CDH13: variants seen among roughly 807,000 people sequenced by gnomAD.
CDH13 encodes cadherin-13.
A neutral mutation model predicts 63.8 loss-of-function variants in CDH13; 24 were observed. The ratio of observed to expected loss-of-function variants is 0.38; its 90% CI spans 0.27 to 0.53. CDH13 has a LOEUF of 0.53. CDH13 is among the 20% of genes least tolerant of loss of function. The pLI is 0.85. For missense variants in CDH13, 1,049 were observed against 903.1 expected, an observed-to-expected ratio of 1.16 and a Z score of -2.07; for synonymous variants, 503 against 355.3, an observed-to-expected ratio of 1.42 and a Z score of -4.67.
chr16:83,080,871 G>GTTTTTTTTTTTGTTT (rs2033185148), intron 3 of CDH13, among the ~76,000 whole-genome samples: 48 of 46,956 alleles, frequency 1.0e-3, no homozygotes, highest in Non-Finnish European at 1.6e-3. Flanking sequence ...TTGTTTTTGT[G>GTTTTTTTTTTTGTTT]TTTTTTTTTT....
Position 82,959,731 on chromosome 16 carries a change from A to C in CDH13, c.158-72279A>C, listed in dbSNP as rs181382995. 2.0e-4 allele frequency among the ~76,000 whole-genome samples: 31 copies of C among 152,330 alleles called. No individual in the cohort carries two copies. The East Asian group carries it at 5.6e-3, about 27-fold the overall frequency. ...GTTCTGTTTGCCATATAAGTTTATA[A>C]GTTCCTTTATATCTCCGAGTAGTAC... On this transcript the variant is annotated intron_variant, in intron 2 of 13. Transcript: ENST00000567109.
At chr16:83,240,341 A>G (rs1904317082) in intron 5 of CDH13, among the ~76,000 whole-genome samples, 1 of 152,068 alleles carries the variant, frequency 6.6e-6, no homozygotes, top group African/African-American at 2.4e-5. Flanking sequence ...GTGAAATGGG[A>G]AGCACTGAAG....
At chr16:82,734,985 G>A (rs1487057207) in intron 1 of CDH13, among the ~76,000 whole-genome samples, 2 of 152,178 alleles carry the variant, frequency 1.3e-5, no homozygotes, top group East Asian at 3.9e-4. Context: ...GCTAAAGCAA[G>A]ACTAATTAGG....
intron 3 of CDH13, among the ~76,000 whole-genome samples, chr16:83,049,614 C>T (rs566788198): frequency 2.6e-5 from 4 of 152,246 alleles, no homozygotes; most frequent in South Asian, 2.1e-4. Flanking sequence ...GGATTACAGG[C>T]GTGAATGACT....
intron 1 of CDH13, among the ~76,000 whole-genome samples, chr16:82,686,665 A>T (rs969154006): frequency 3.3e-5 from 5 of 152,218 alleles, no homozygotes; most frequent in Non-Finnish European, 2.9e-5. Flanking sequence ...ATTCCCGGAG[A>T]TAACGTGCAT....
At chr16:83,710,959 A>G (rs539274593) in intron 10 of CDH13, among the ~76,000 whole-genome samples, 23 of 152,310 alleles carry the variant, frequency 1.5e-4, no homozygotes, top group Non-Finnish European at 2.5e-4. Flanking sequence ...GATGAATGTT[A>G]GCAAAATTCT....
At chr16:83,310,235 G>A (rs1017359866) in intron 5 of CDH13, among the ~76,000 whole-genome samples, 2 of 152,146 alleles carry the variant, frequency 1.3e-5, no homozygotes, top group African/African-American at 4.8e-5. Flanking sequence ...AATATTCCCT[G>A]TCAAATTAGG....
At position 83,678,397 on chromosome 16, in the gene CDH13, G is replaced by A. The variant is rs778521715; in HGVS notation, c.1474G>A (p.Val492Met). ...GGTGACCAGGCAGGAGGACCTCTCTGTGGGCAGCGTGCTGCTGACAGTGAA... is the reference window on the plus strand; with the variant it reads ...GGTGACCAGGCAGGAGGACCTCTCTATGGGCAGCGTGCTGCTGACAGTGAA... Reference protein sequence around the residue: ...MMVTRQEDLSVGSVLLTVNAT... With the variant: ...MMVTRQEDLSMGSVLLTVNAT... Residue 492 changes from valine (V) to methionine (M), a missense_variant, in exon 10 of 14, where the codon GTG becomes ATG. By Grantham distance (21) the Val-to-Met change is conservative. Transcript: ENST00000567109. The A allele has an allele frequency of 1.2e-6, 2 of 1,614,006 alleles. No homozygotes were observed. The highest frequency in any genetic ancestry group is 1.7e-6 in the Non-Finnish European group (2 of 1,179,892).
intron 2 of CDH13, among the ~76,000 whole-genome samples, chr16:82,972,263 G>A (rs1908868819): frequency 6.6e-6 from 1 of 152,128 alleles, no homozygotes; most frequent in South Asian, 2.1e-4. Context: ...AAACGGCCTG[G>A]GCAGACCAAG....
At chr16:83,538,002 G>A (rs1047479823) in intron 7 of CDH13, among the ~76,000 whole-genome samples, 6 of 152,192 alleles carry the variant, frequency 3.9e-5, no homozygotes, top group Non-Finnish European at 8.8e-5. Flanking sequence ...TGATGTTACC[G>A]TGCTATAAAA....
At chr16:83,457,018 G>T (rs1052445064) in intron 6 of CDH13, among the ~76,000 whole-genome samples, 15 of 152,152 alleles carry the variant, frequency 9.9e-5, no homozygotes, top group African/African-American at 3.6e-4. Context: ...GAAATGCCAG[G>T]TAAGCAAGAG....
chr16:83,275,840 G>T (rs113433439), intron 5 of CDH13, among the ~76,000 whole-genome samples: 1 of 152,168 alleles, frequency 6.6e-6, no homozygotes, highest in African/African-American at 2.4e-5. Flanking sequence ...GAAGGAAAGA[G>T]GGGTGAGGGA....
At chr16:83,688,071 C>T (rs1374944867) in intron 10 of CDH13, among the ~76,000 whole-genome samples, 1 of 152,142 alleles carries the variant, frequency 6.6e-6, no homozygotes, top group African/African-American at 2.4e-5. Flanking sequence ...ATATTTCAGC[C>T]CCAAAAGATT....
chr16:83,002,464 G>A (rs1913040814), intron 2 of CDH13, among the ~76,000 whole-genome samples: 1 of 152,182 alleles, frequency 6.6e-6, no homozygotes, highest in African/African-American at 2.4e-5. Flanking sequence ...AGAACTGCTA[G>A]AGAAAAATTT....
At chr16:83,769,233 G>A (rs1429674275) in intron 11 of CDH13, among the ~76,000 whole-genome samples, 1 of 152,144 alleles carries the variant, frequency 6.6e-6, no homozygotes, top group Non-Finnish European at 1.5e-5. Context: ...ATTCTGGGGA[G>A]GTGTGTCTGA....
chr16:83,783,244 G>C lies in CDH13; in HGVS notation c.1916-10G>C, dbSNP rs762240057. 9 of 1,602,968 alleles carry C rather than the reference G, an allele frequency of 5.6e-6. No individual in the cohort carries two copies. In the South Asian group the frequency reaches 6.6e-5, roughly 12 times the overall value. On this transcript the variant is annotated splice_polypyrimidine_tract_variant and intron_variant, in intron 12 of 13. Coordinates refer to ENST00000567109, the MANE Select transcript of CDH13 (RefSeq NM_001257.5). ...ATCCACTCTCACCAGAACCCTCCTT[G>C]CCTTTACAGATACACACGCCCTGGT...
rs566158578 is a variant in CDH13, at chr16:83,033,655, C to T, written c.366+1437C>T. On this transcript the variant is annotated intron_variant, in intron 3 of 13. Transcript: ENST00000567109. ...ACATGCATGCAGATCCCTGCACTCC[C>T]ACACATATGCATACACTTTATAAGT... Among the ~76,000 whole-genome samples the T allele has an allele frequency of 1.4e-4, 22 of 152,320 alleles. No individual in the cohort carries two copies. The South Asian group carries it at 4.6e-3, about 32-fold the overall frequency.
rs955599334 is a variant in CDH13, at chr16:83,047,152, G to T, written c.366+14934G>T. 6.6e-6 allele frequency among the ~76,000 whole-genome samples: 1 copy of T among 152,112 alleles called. No homozygotes were observed. The highest frequency in any genetic ancestry group is 2.4e-5 in the African/African-American group (1 of 41,402). On this transcript the variant is annotated intron_variant, in intron 3 of 13. Transcript: ENST00000567109. The surrounding 1 kb of genome is among the most constrained non-coding windows in gnomAD (Gnocchi z 4.9). Reference sequence around the variant, plus strand: ...TTTAAACAGTAGTAGTTCTCCGTGAGACCCAAGGAAAGGTCTGCAGACTAT... The same window carrying T: ...TTTAAACAGTAGTAGTTCTCCGTGATACCCAAGGAAAGGTCTGCAGACTAT...
intron 6 of CDH13, among the ~76,000 whole-genome samples, chr16:83,411,250 A>G (rs1437970284): frequency 6.6e-6 from 1 of 152,230 alleles, no homozygotes; most frequent in African/African-American, 2.4e-5. Context: ...CTTACCTGAA[A>G]TGTAGCTTCC....
Sources: allele counts gnomAD v4.1 joint callset (sites outside exome capture counted in the v4.1 genomes callset), GRCh38; gene constraint gnomAD v4.1.1; non-coding constraint Gnocchi (gnomAD v3.1); transcripts MANE v1.5; gene names NCBI Gene and HGNC (gene_info 2026-07-23, HGNC 2026-07-21).